The following MGAT4C variants were observed in gnomAD, a reference collection of about 807,000 sequenced individuals.
The protein encoded by MGAT4C is MGAT4 family member C, also known as alpha-1,3-mannosyl-glycoprotein 4-beta-N-acetylglucosaminyltransferase C.
MGAT4C carries 19 observed loss-of-function variants against 40.1 expected under a neutral mutation model. The observed-to-expected ratio is 0.47, with a 90% CI of 0.33 to 0.70. MGAT4C has a LOEUF of 0.70. Ranked by LOEUF, MGAT4C falls within the 30% of genes least tolerant of loss-of-function variation. The pLI is 0.02. For synonymous variants in MGAT4C, 181 were observed against 187.1 expected (o/e 0.97, Z 0.27); for missense variants, 491 against 563.2 (o/e 0.87, Z 1.30).
intron 3 of MGAT4C, among the ~76,000 whole-genome samples, chr12:86,363,469 G>C (rs1336252295): frequency 6.6e-6 from 1 of 151,860 alleles, no homozygotes; most frequent in Non-Finnish European, 1.5e-5. Context: ...TTCAGAGTTG[G>C]GGGGAAAATT....
chr12:86,756,658 A>G (rs1286746344), intron 1 of MGAT4C, among the ~76,000 whole-genome samples: 1 of 152,202 alleles, frequency 6.6e-6, no homozygotes, highest in Non-Finnish European at 1.5e-5. Context: ...GCACAACTGT[A>G]ATAACAGATA....
chr12:86,191,994 A>G (rs1889558929), intron 1 of MGAT4C, among the ~76,000 whole-genome samples: 1 of 148,470 alleles, frequency 6.7e-6, no homozygotes, highest in Non-Finnish European at 1.5e-5. Context: ...TATCCCAGGG[A>G]CAAAAAACCA....
At chr12:86,488,070 A>T (rs546639152) in intron 2 of MGAT4C, among the ~76,000 whole-genome samples, 46 of 152,242 alleles carry the variant, frequency 3.0e-4, no homozygotes, top group African/African-American at 1.1e-3. Context: ...GTGGTAACAT[A>T]AGAGTAATAA....
Position 86,747,090 on chromosome 12 carries a change from C to A in MGAT4C, c.-261-19849G>T, listed in dbSNP as rs149775561. On this transcript the variant is annotated intron_variant, in intron 1 of 7. Coordinates refer to the MGAT4C transcript ENST00000548651. ...CTGAGTTTGAATCTGTACTTCAATA[C>A]TATTTGTGTAATCTTGGACAAATCT... Among the ~76,000 whole-genome samples the A allele has an allele frequency of 2.6e-3, 397 of 151,702 alleles. 1 individual carries two copies. The highest frequency in any genetic ancestry group is 4.1e-3 in the Non-Finnish European group (279 of 67,736).
intron 3 of MGAT4C, among the ~76,000 whole-genome samples, chr12:86,364,098 G>A (rs1955541702): frequency 6.6e-6 from 1 of 151,640 alleles, no homozygotes; most frequent in Non-Finnish European, 1.5e-5. Context: ...ACAGGCCCAG[G>A]TAATTTTGTT....
chr12:86,257,736 G>C (rs1195632411), upstream of MGAT4C, among the ~76,000 whole-genome samples: 1 of 152,112 alleles, frequency 6.6e-6, no homozygotes. Flanking sequence ...TTCCTCCCAA[G>C]TTCTGACTTT....
intron 1 of MGAT4C, among the ~76,000 whole-genome samples, chr12:86,099,553 G>A (rs1248056120): frequency 2.6e-5 from 4 of 151,382 alleles, no homozygotes; most frequent in Admixed American, 2.6e-4. Flanking sequence ...GATATAAACA[G>A]AAACTTCTCA....
intron 2 of MGAT4C, among the ~76,000 whole-genome samples, chr12:86,013,279 A>C (rs1888700155): frequency 6.6e-6 from 1 of 152,060 alleles, no homozygotes; most frequent in South Asian, 2.1e-4. Flanking sequence ...TTGGAGACGG[A>C]GTCTTGCTCT....
chr12:86,603,454 CTATATAA>C (rs1342138069), intron 2 of MGAT4C, among the ~76,000 whole-genome samples: 1 of 113,510 alleles, frequency 8.8e-6, no homozygotes, highest in African/African-American at 3.9e-5. Flanking sequence ...AGTCTATAGA[CTATATAA>C]TATATACTAT....
intron 1 of MGAT4C, among the ~76,000 whole-genome samples, chr12:86,774,281 C>CTCTTTCTTTCTTTCTTCCTTTCTTTCTT (rs1951693226): frequency 1.0e-4 from 6 of 58,960 alleles, no homozygotes; most frequent in African/African-American, 3.8e-4. Flanking sequence ...CTAAGGCTTG[C>CTCTTTCTTTCTTTCTTCCTTTCTTTCTT]TCTTTCTTTC....
At chr12:86,076,507 T>C (rs999474686) in intron 1 of MGAT4C, among the ~76,000 whole-genome samples, 1 of 152,172 alleles carries the variant, frequency 6.6e-6, no homozygotes, top group Non-Finnish European at 1.5e-5. Flanking sequence ...TGTATTAGTT[T>C]GTTTCATGCT....
At chr12:86,800,376 G>A (rs1047928977) in intron 1 of MGAT4C, among the ~76,000 whole-genome samples, 1 of 151,828 alleles carries the variant, frequency 6.6e-6, no homozygotes, top group African/African-American at 2.4e-5. Flanking sequence ...CCAGCTGTTG[G>A]TAATCTCTGA....
intron 2 of MGAT4C, among the ~76,000 whole-genome samples, chr12:86,531,493 T>C (rs928639474): frequency 4.6e-5 from 7 of 152,018 alleles, no homozygotes; most frequent in African/African-American, 1.7e-4. Context: ...GCTTCACTTG[T>C]TTACTGATTG....
intron 2 of MGAT4C, among the ~76,000 whole-genome samples, chr12:86,503,787 C>CATAT (rs10679798): frequency 0.13 from 2,107 of 15,744 alleles, 836 homozygotes; most frequent in African/African-American, 0.32. Flanking sequence ...GAGTTCTGCT[C>CATAT]ATATATATAT....
intron 4 of MGAT4C, among the ~76,000 whole-genome samples, chr12:86,317,936 A>T (rs928966954): frequency 4.6e-5 from 7 of 151,710 alleles, no homozygotes; most frequent in African/African-American, 1.7e-4. Context: ...AAGAAATCTC[A>T]TAGTTATCCT....
Position 86,666,647 on chromosome 12 carries a change from C to G in MGAT4C, c.-229+60562G>C, listed in dbSNP as rs12304305. On this transcript the variant is annotated intron_variant, in intron 2 of 7. Transcript: ENST00000548651. ...AACAAAGAATTCCCTTGTTTCCCCA[C>G]AAATGTTTTTGCCAATTAGAAACAT... is the stretch of plus-strand genomic sequence containing the variant. Among the ~76,000 whole-genome samples, 1,155 of 152,250 alleles carry G rather than the reference C, an allele frequency of 7.6e-3. 15 individuals are homozygous for G. Among genetic ancestry groups the G allele is most frequent in the African/African-American group, 0.025 (1,050 of 41,534 alleles).
chr12:86,237,069 G>A (rs1194829581), intron 1 of MGAT4C, among the ~76,000 whole-genome samples: 2 of 150,554 alleles, frequency 1.3e-5, no homozygotes, highest in African/African-American at 4.9e-5. Flanking sequence ...GAAAGGTGGG[G>A]GAGAGAGAGA....
At position 85,989,521 on chromosome 12, in the gene MGAT4C, T is replaced by C. The variant is rs201584077; in HGVS notation, c.26A>G (p.His9Arg). The C allele has an allele frequency of 1.7e-5, 28 of 1,605,122 alleles. No homozygotes were observed. In the East Asian group the frequency reaches 5.6e-4, roughly 32 times the overall value. Reference protein sequence around the residue: MFKFHQMKHIFEILDKMRC... With the variant: MFKFHQMKRIFEILDKMRC... ...CATTTTATCAAGTATTTCAAAAATATGTTTCATTTGATGAAATTTAAACAT... is the reference window on the plus strand; with the variant it reads ...CATTTTATCAAGTATTTCAAAAATACGTTTCATTTGATGAAATTTAAACAT... Residue 9 changes from histidine to arginine, a missense_variant, in exon 3 of 5, where the codon CAT becomes CGT. His to Arg is a conservative substitution (Grantham distance 29, BLOSUM62 0). Coordinates refer to ENST00000611864, the MANE Select transcript of MGAT4C (RefSeq NM_001351288.2).
chr12:86,803,967 G>A (rs1196049776), intron 1 of MGAT4C, among the ~76,000 whole-genome samples: 5 of 133,874 alleles, frequency 3.7e-5, no homozygotes, highest in Admixed American at 7.8e-5. Flanking sequence ...ACATGCACAC[G>A]TATGTTTATT....
Sources: gnomAD v4.1 joint callset for allele counts (sites outside exome capture counted in the v4.1 genomes callset) on GRCh38, gnomAD v4.1.1 for gene constraint, MANE v1.5 for transcripts, NCBI Gene and HGNC (gene_info 2026-07-23, HGNC 2026-07-21) for gene names.